GRM8: variants seen among roughly 807,000 people sequenced by gnomAD.
GRM8 encodes glutamate metabotropic receptor 8.
In GRM8, 47 loss-of-function variants were observed where a neutral mutation model predicts 87.2. That is an observed-to-expected ratio of 0.54 (90% CI 0.43 to 0.69). The LOEUF (loss-of-function observed/expected upper bound fraction) is 0.69, where lower values mean the gene tolerates loss of function less well. Among genes scored for constraint, GRM8 ranks in the 30% least tolerant of loss-of-function variants. The pLI is 0.00. For missense variants in GRM8, 1,019 were observed against 1,139.2 expected (o/e 0.89, Z 1.52); for synonymous variants, 396 against 404.5 (o/e 0.98, Z 0.25).
intron 2 of GRM8, among the ~76,000 whole-genome samples, chr7:127,182,671 G>C (rs960216395): frequency 1.0e-5 from 1 of 98,046 alleles, no homozygotes; most frequent in Admixed American, 9.5e-5. Context: ...GTGTGTGTGT[G>C]TGTGTGTGTG....
chr7:127,117,894 C>T (rs1826795177), intron 2 of GRM8, among the ~76,000 whole-genome samples: 1 of 152,226 alleles, frequency 6.6e-6, no homozygotes, highest in South Asian at 2.1e-4. Flanking sequence ...AAACTTTAAG[C>T]TGGCAAATAT....
At chr7:126,698,952 C>T (rs1037520589) in intron 7 of GRM8, among the ~76,000 whole-genome samples, 10 of 152,156 alleles carry the variant, frequency 6.6e-5, no homozygotes, top group Non-Finnish European at 1.3e-4. Context: ...TTAAAACCAT[C>T]ATAGGCACTT....
intron 6 of GRM8, among the ~76,000 whole-genome samples, chr7:126,785,108 G>A (rs867824245): frequency 2.0e-5 from 3 of 152,072 alleles, no homozygotes; most frequent in Non-Finnish European, 2.9e-5. Context: ...CCACAGCCGT[G>A]GACTCCTGGG....
At chr7:127,182,632 GGTGTGTGTGTGTGTGTGTGTGTGTGT>G (rs35530710) in intron 2 of GRM8, among the ~76,000 whole-genome samples, 65 of 141,826 alleles carry the variant, frequency 4.6e-4, no homozygotes, top group African/African-American at 1.3e-3. Context: ...AAGAAAGTGT[GGTGTGTGTGTGTGTGTGTGTGTGTGT>G]GTGTGTGTGT....
intron 6 of GRM8, among the ~76,000 whole-genome samples, chr7:126,780,404 G>A (rs984819262): frequency 2.6e-5 from 4 of 152,128 alleles, no homozygotes; most frequent in Non-Finnish European, 5.9e-5. Context: ...TCAGAAGAGT[G>A]TTGAAAAGAA....
chr7:126,738,192 G>T (rs1814454839), intron 7 of GRM8, among the ~76,000 whole-genome samples: 1 of 152,078 alleles, frequency 6.6e-6, no homozygotes, highest in Non-Finnish European at 1.5e-5. Flanking sequence ...GGACAGGTAT[G>T]ATGTGTTAAG....
chr7:126,904,604 C>A lies in GRM8; in HGVS notation c.807G>T (p.Leu269=), dbSNP rs771184094. ...PGEFEKIIKR[L]LETPNARAVI... ...CTGCTCGAGCATTAGGTGTTTCTAG[C>A]AGGCGTTTGATAATTTTTTCAAATT... Residue 269 remains leucine, a synonymous_variant, in exon 4 of 11, where the codon CTG becomes CTT. Transcript: ENST00000339582. The A allele has an allele frequency of 3.7e-6, 6 of 1,613,748 alleles. No homozygotes were observed. The South Asian group carries it at 6.6e-5, about 18-fold the overall frequency.
chr7:127,220,983 A>G (rs1222188833), intron 2 of GRM8, among the ~76,000 whole-genome samples: 1 of 152,072 alleles, frequency 6.6e-6, no homozygotes, highest in Non-Finnish European at 1.5e-5. Context: ...CCTAGCCCCC[A>G]AGGTAAGGAA....
At chr7:126,649,694 G>A (rs1436018267) in intron 7 of GRM8, among the ~76,000 whole-genome samples, 6 of 152,128 alleles carry the variant, frequency 3.9e-5, no homozygotes, top group Admixed American at 1.3e-4. Flanking sequence ...GAGGCACAGC[G>A]CCTAATGGGC....
intron 3 of GRM8, among the ~76,000 whole-genome samples, chr7:126,967,467 T>C (rs574544885): frequency 1.3e-5 from 2 of 152,080 alleles, no homozygotes; most frequent in African/African-American, 2.4e-5. Context: ...TCTGTAAAGT[T>C]CAATGGATAA....
chr7:126,619,358 A>G (rs1799869876), intron 7 of GRM8, among the ~76,000 whole-genome samples: 1 of 152,114 alleles, frequency 6.6e-6, no homozygotes, highest in Non-Finnish European at 1.5e-5. Flanking sequence ...GGAACATCAC[A>G]CACTGGGGCC....
Position 126,747,406 on chromosome 7 carries a change from C to T in GRM8, c.1357+22459G>A, listed in dbSNP as rs183550879. On this transcript the variant is annotated intron_variant, in intron 7 of 10. Transcript: ENST00000339582. Reference sequence around the variant, plus strand: ...TGCCAGTTTTACACATTCATGTTACCTGTTTGACTAGTCCCTCTAAGAAGA... The same window carrying T: ...TGCCAGTTTTACACATTCATGTTACTTGTTTGACTAGTCCCTCTAAGAAGA... 9.2e-5 allele frequency among the ~76,000 whole-genome samples: 14 copies of T among 152,076 alleles called. No individual in the cohort carries two copies. The East Asian group carries it at 2.1e-3, about 23-fold the overall frequency.
intron 3 of GRM8, among the ~76,000 whole-genome samples, chr7:126,948,269 T>C (rs1305414011): frequency 6.6e-6 from 1 of 151,856 alleles, no homozygotes; most frequent in Non-Finnish European, 1.5e-5. Flanking sequence ...GAATTTTTCA[T>C]GGAGGAGGAT....
rs184631676 is a variant in GRM8, at chr7:127,074,186, C to A, written c.727+32310G>T. Among the ~76,000 whole-genome samples the A allele has an allele frequency of 2.2e-4, 33 of 152,218 alleles. No homozygotes were observed. The East Asian group carries it at 6.4e-3, about 29-fold the overall frequency. On this transcript the variant is annotated intron_variant, in intron 3 of 10. Transcript: ENST00000339582. Reference sequence around the variant, plus strand: ...TAAACTTTTAAATAATAGAAGGTAGCAATAAAATAGTATTCTGTTGATTAT... The same window carrying A: ...TAAACTTTTAAATAATAGAAGGTAGAAATAAAATAGTATTCTGTTGATTAT...
intron 3 of GRM8, among the ~76,000 whole-genome samples, chr7:127,018,091 G>A (rs576133386): frequency 6.6e-6 from 1 of 151,962 alleles, no homozygotes; most frequent in South Asian, 2.1e-4. Flanking sequence ...ACAGAGCAAA[G>A]CACTGGACAA....
chr7:126,737,628 T>C (rs943684683), intron 7 of GRM8, among the ~76,000 whole-genome samples: 4 of 152,088 alleles, frequency 2.6e-5, no homozygotes, highest in African/African-American at 7.2e-5. Context: ...TTCACTAGTA[T>C]GTAATTTTTC....
intron 3 of GRM8, among the ~76,000 whole-genome samples, chr7:126,939,065 A>C (rs543610614): frequency 6.6e-6 from 1 of 152,178 alleles, no homozygotes; most frequent in African/African-American, 2.4e-5. Context: ...AATCATTGCC[A>C]CCTGATTGTA....
At chr7:127,172,555 A>G (rs954497916) in intron 2 of GRM8, among the ~76,000 whole-genome samples, 1 of 151,962 alleles carries the variant, frequency 6.6e-6, no homozygotes, top group Non-Finnish European at 1.5e-5. Flanking sequence ...AAATACAAAA[A>G]AAATTAGCCA....
intron 7 of GRM8, among the ~76,000 whole-genome samples, chr7:126,705,913 T>G (rs985467192): frequency 6.6e-6 from 1 of 152,140 alleles, no homozygotes. Flanking sequence ...CTATTTATTA[T>G]GTTATGGGCT....
Sources: allele counts gnomAD v4.1 joint callset (sites outside exome capture counted in the v4.1 genomes callset), GRCh38; gene constraint gnomAD v4.1.1; transcripts MANE v1.5; gene names NCBI Gene and HGNC (gene_info 2026-07-23, HGNC 2026-07-21).